The following GPC6 variants were observed in gnomAD, a reference collection of about 807,000 sequenced individuals.
GPC6 encodes the protein glypican 6.
Under a neutral mutation model 55.2 loss-of-function variants are expected in GPC6, and 14 were observed. The observed-to-expected ratio is 0.25, with a 90% CI of 0.17 to 0.40. The LOEUF (loss-of-function observed/expected upper bound fraction) is 0.40, where lower values mean the gene tolerates loss of function less well. Among genes scored for constraint, GPC6 ranks in the 10% least tolerant of loss-of-function variants. The pLI is 1.00. For missense variants in GPC6, 641 were observed against 708.5 expected, an observed-to-expected ratio of 0.90 and a Z score of 1.08; for synonymous variants, 278 against 259.6, an observed-to-expected ratio of 1.07 and a Z score of -0.68.
At chr13:93,479,975 G>T (rs1037112771) in intron 1 of GPC6, among the ~76,000 whole-genome samples, 9 of 152,110 alleles carry the variant, frequency 5.9e-5, no homozygotes, top group Non-Finnish European at 1.2e-4. Context: ...AATCATTGCT[G>T]GGAAATGAAA....
At chr13:93,527,061 G>A (rs941689603) in intron 1 of GPC6, among the ~76,000 whole-genome samples, 3 of 151,770 alleles carry the variant, frequency 2.0e-5, no homozygotes, top group African/African-American at 7.3e-5. Context: ...TTTTTAAAAA[G>A]CTTTCTGTAA....
chr13:94,046,768 A>G (rs187903491), intron 4 of GPC6, among the ~76,000 whole-genome samples: 207 of 152,204 alleles, frequency 1.4e-3, no homozygotes, highest in African/African-American at 4.7e-3. Context: ...ATGAGGTTAC[A>G]TTTAAATAAA....
chr13:93,382,805 T>C (rs1333800050), intron 1 of GPC6, among the ~76,000 whole-genome samples: 2 of 152,200 alleles, frequency 1.3e-5, no homozygotes, highest in African/African-American at 4.8e-5. Context: ...AGCTAATCTT[T>C]GGGGTTATCT....
intron 1 of GPC6, among the ~76,000 whole-genome samples, chr13:93,245,064 T>A (rs1594049794): frequency 1.3e-5 from 2 of 152,216 alleles, no homozygotes; most frequent in Non-Finnish European, 2.9e-5. Context: ...TTCTCAACCC[T>A]GGCCAGTGAT....
At chr13:93,753,606 G>A (rs546715819) in intron 2 of GPC6, among the ~76,000 whole-genome samples, 1 of 152,160 alleles carries the variant, frequency 6.6e-6, no homozygotes, top group South Asian at 2.1e-4. Flanking sequence ...TATACTTTCA[G>A]TTATTTTAAA....
At chr13:93,625,835 T>C (rs935231076) in intron 2 of GPC6, among the ~76,000 whole-genome samples, 1 of 152,186 alleles carries the variant, frequency 6.6e-6, no homozygotes, top group East Asian at 1.9e-4. Flanking sequence ...TTTGACTTTC[T>C]TCACTTAGAG....
intron 3 of GPC6, among the ~76,000 whole-genome samples, chr13:93,957,252 T>C (rs1193431740): frequency 6.6e-6 from 1 of 152,172 alleles, no homozygotes; most frequent in African/African-American, 2.4e-5. Flanking sequence ...TTTATTGTTA[T>C]TTTTAATTTC....
At chr13:93,351,739 TA>T (rs1408032907) in intron 1 of GPC6, among the ~76,000 whole-genome samples, 1 of 151,976 alleles carries the variant, frequency 6.6e-6, no homozygotes, top group East Asian at 1.9e-4. Context: ...AAATAATGCT[TA>T]AAAATTAAAA....
At chr13:93,423,727 A>G (rs1235531575) in intron 1 of GPC6, among the ~76,000 whole-genome samples, 1 of 152,136 alleles carries the variant, frequency 6.6e-6, no homozygotes, top group Non-Finnish European at 1.5e-5. Context: ...TTTCTTGACT[A>G]ATGGAGGTGT....
At chr13:93,375,993 G>A (rs1874878261) in intron 1 of GPC6, among the ~76,000 whole-genome samples, 1 of 151,604 alleles carries the variant, frequency 6.6e-6, no homozygotes, top group African/African-American at 2.4e-5. Context: ...AATAAATGGT[G>A]GTGGACTACC....
chr13:94,336,352 C>G (rs1430141706), intron 6 of GPC6, among the ~76,000 whole-genome samples: 1 of 152,140 alleles, frequency 6.6e-6, no homozygotes, highest in Non-Finnish European at 1.5e-5. Flanking sequence ...TTGATTCTGT[C>G]AAACACTGAT....
chr13:93,481,999 G>A (rs1186182578), intron 1 of GPC6, among the ~76,000 whole-genome samples: 2 of 152,100 alleles, frequency 1.3e-5, no homozygotes, highest in Non-Finnish European at 1.5e-5. Flanking sequence ...GATCAATTTT[G>A]GAGTGTTGCC....
chr13:93,714,849 C>G (rs895290812), intron 2 of GPC6, among the ~76,000 whole-genome samples: 1 of 151,578 alleles, frequency 6.6e-6, no homozygotes, highest in Admixed American at 6.6e-5. Flanking sequence ...ATAAGCTTTT[C>G]ATGGAAAGAT....
At chr13:93,408,960 G>T (rs1253294099) in intron 1 of GPC6, among the ~76,000 whole-genome samples, 1 of 151,990 alleles carries the variant, frequency 6.6e-6, no homozygotes. Context: ...AGTTGATGAT[G>T]GAGTTTTACT....
intron 3 of GPC6, among the ~76,000 whole-genome samples, chr13:93,881,681 C>T (rs1874982872): frequency 6.6e-6 from 1 of 151,980 alleles, no homozygotes; most frequent in African/African-American, 2.4e-5. Context: ...TTGCAATTAT[C>T]TCTGTATCCA....
intron 4 of GPC6, among the ~76,000 whole-genome samples, chr13:94,239,914 C>T (rs1446155385): frequency 6.6e-6 from 1 of 152,054 alleles, no homozygotes; most frequent in Non-Finnish European, 1.5e-5. Flanking sequence ...GCAAAGGAGA[C>T]TCCTGGGACC....
At chr13:93,895,188 C>G (rs905730767) in intron 3 of GPC6, among the ~76,000 whole-genome samples, 4 of 137,342 alleles carry the variant, frequency 2.9e-5, no homozygotes, top group African/African-American at 1.2e-4. Flanking sequence ...TTTTTCACCT[C>G]TAAGTCCATA....
intron 1 of GPC6, among the ~76,000 whole-genome samples, chr13:93,363,228 C>T (rs1007160342): frequency 6.6e-6 from 1 of 150,714 alleles, no homozygotes; most frequent in African/African-American, 2.4e-5. Flanking sequence ...TGGTGTGCTG[C>T]ACCCACTAAC....
chr13:94,116,479 G>A (rs1055453940), intron 4 of GPC6, among the ~76,000 whole-genome samples: 3 of 152,048 alleles, frequency 2.0e-5, no homozygotes, highest in Admixed American at 6.6e-5. Flanking sequence ...ATTGAGCTTA[G>A]AATTCACATG....
Sources: gnomAD v4.1 joint callset for allele counts (sites outside exome capture counted in the v4.1 genomes callset) on GRCh38, gnomAD v4.1.1 for gene constraint, MANE v1.5 for transcripts, NCBI Gene and HGNC (gene_info 2026-07-23, HGNC 2026-07-21) for gene names.